The following MYO7A variants were observed in gnomAD, a reference collection of about 807,000 sequenced individuals.
MYO7A encodes the protein unconventional myosin-VIIa.
A neutral mutation model predicts 263.8 loss-of-function variants in MYO7A; 210 were observed. The observed-to-expected ratio is 0.80, with a 90% confidence interval of 0.71 to 0.89. The LOEUF (loss-of-function observed/expected upper bound fraction) is 0.89, where lower values mean the gene tolerates loss of function less well. MYO7A is among the 40% of genes least tolerant of loss of function. The probability of loss-of-function intolerance (pLI) is 0.00; values close to 1 mark genes in which losing one functional copy is unlikely to be tolerated. For synonymous variants in MYO7A, 1,239 were observed against 1,197.3 expected (o/e 1.03, Z -0.72); for missense variants, 2,820 against 2,968.3 (o/e 0.95, Z 1.16).
chr11:77,179,730 T>C lies in MYO7A; in HGVS notation c.2368-5T>C. 1.3e-6 allele frequency: 2 copies of C among 1,530,940 alleles called. No homozygotes were observed. Among genetic ancestry groups the C allele is most frequent in the Non-Finnish European group, 1.8e-6 (2 of 1,134,956 alleles). The allele number at this position is 1,530,940 out of a possible 1,614,324, so 94.8% of individuals were successfully genotyped here. ...GCTCTGAGCATGGGGTGGCTGTCCT[T>C]GCAGATGCGTCTGGGCTTCCTGCGG... On this transcript the variant is annotated splice_polypyrimidine_tract_variant and splice_region_variant and intron_variant, in intron 20 of 48. Coordinates refer to ENST00000409709, the MANE Select transcript of MYO7A (RefSeq NM_000260.4).
intron 46 of MYO7A, 177 bp downstream of exon 46, chr11:77,212,114 T>G (rs1403776194): frequency 1.4e-6 from 1 of 697,686 alleles, no homozygotes; most frequent in South Asian, 1.5e-5. Flanking sequence ...GGGTAAGTCC[T>G]GGGGACAGAG....
At position 77,138,344 on chromosome 11, in the gene MYO7A, G is replaced by A. The variant is rs1950998227; in HGVS notation, c.19-4365G>A. ...CCCGCCGACCCTGCCGACCCCGCGC[G>A]CATCCCGCAGCCCGGCAAGTGGGCG... On this transcript the variant is annotated intron_variant, in intron 2 of 48. Coordinates refer to ENST00000409709, the MANE Select transcript of MYO7A (RefSeq NM_000260.4). This position sits in a 1 kb window ranked among gnomAD's most constrained non-coding sequence, Gnocchi z 4.9. Among the ~76,000 whole-genome samples, 1 of 141,170 alleles carries A rather than the reference G, an allele frequency of 7.1e-6. No homozygotes were observed. The highest frequency in any genetic ancestry group is 1.5e-5 in the Non-Finnish European group (1 of 66,032). 92.6% of individuals were successfully genotyped at this position (141,170 alleles called of 152,430 possible).
At chr11:77,179,555 T>TTGCC (rs1433526530) in intron 20 of MYO7A, among the ~76,000 whole-genome samples, 180 bp from the exon 21 acceptor site, 2 of 152,208 alleles carry the variant, frequency 1.3e-5, no homozygotes, top group African/African-American at 4.8e-5. Flanking sequence ...TAAAAATATG[T>TTGCC]TGCCTGAGAG....
At chr11:77,189,013 A>C (rs868990865) in intron 27 of MYO7A, among the ~76,000 whole-genome samples, 1 of 152,050 alleles carries the variant, frequency 6.6e-6, no homozygotes, top group African/African-American at 2.4e-5. Context: ...AGAGGCGGGG[A>C]CTGTGCTTCT....
At position 77,166,159 on chromosome 11, in the gene MYO7A, C is replaced by T; in HGVS notation, c.1794C>T (p.Ala598=). ...AGCAGATCTTCCAGGCCGATGTCGC[C>T]ATGGTAAGCCGGGTGCGGTTTCTGT... is the stretch of plus-strand genomic sequence containing the variant. The part of the protein sequence containing the change: ...FIKQIFQADV[A]MGAETRKRSP... The change falls in exon 15 of 49, where the codon GCC becomes GCT. Residue 598 remains alanine, a synonymous_variant. Transcript: ENST00000409709. 2.5e-6 allele frequency: 4 copies of T among 1,613,688 alleles called. No homozygotes were observed. The highest frequency in any genetic ancestry group is 3.4e-6 in the Non-Finnish European group (4 of 1,179,722).
Position 77,194,438 on chromosome 11 carries a change from G to A in MYO7A, c.4237G>A (p.Val1413Met), listed in dbSNP as rs774086083. The A allele has an allele frequency of 1.1e-5, 17 of 1,611,672 alleles. No individual in the cohort carries two copies. The highest frequency in any genetic ancestry group is 2.2e-5 in the East Asian group (1 of 44,846). ...GATCCTGGAGCGCCTCCTGAACCTC[G>A]TGCCCACCTACATCCCCGACCGCGA... ...EMILERLLNL[V>M]PTYIPDREIT... The change falls in exon 32 of 49, where the codon GTG becomes ATG. Residue 1413 changes from valine to methionine, a missense_variant. By Grantham distance (21) the Val-to-Met change is conservative. Coordinates refer to ENST00000409709, the MANE Select transcript of MYO7A (RefSeq NM_000260.4).
At chr11:77,129,670 A>G (rs1555045489) in intron 1 of MYO7A, among the ~76,000 whole-genome samples, 1 of 152,182 alleles carries the variant, frequency 6.6e-6, no homozygotes, top group Admixed American at 6.5e-5. Context: ...CATAATGCAT[A>G]TAGTCAAAAT....
At chr11:77,150,786 A>G (rs542781594) in intron 4 of MYO7A, among the ~76,000 whole-genome samples, 41 of 152,300 alleles carry the variant, frequency 2.7e-4, no homozygotes, top group South Asian at 2.3e-3. Flanking sequence ...TCCATGCTAA[A>G]GAACTGTGGG....
In MYO7A at chr11:77,165,108, A is replaced by G. The variant is rs185021420; in HGVS notation, c.1691-948A>G. On this transcript the variant is annotated intron_variant, in intron 14 of 48. Transcript: ENST00000409709. ...TAGGATAACATAGTGAGTCTGTCAGAGCTTTAGTGAGAACCCAATTACATC... is the reference window on the plus strand; with the variant it reads ...TAGGATAACATAGTGAGTCTGTCAGGGCTTTAGTGAGAACCCAATTACATC... Among the ~76,000 whole-genome samples the G allele has an allele frequency of 2.2e-3, 330 of 152,304 alleles. 1 individual carries two copies. Among genetic ancestry groups the G allele is most frequent in the Non-Finnish European group, 3.8e-3 (261 of 68,022 alleles).
chr11:77,188,971 T>C (rs1330984151), intron 27 of MYO7A, among the ~76,000 whole-genome samples: 1 of 152,190 alleles, frequency 6.6e-6, no homozygotes, highest in African/African-American at 2.4e-5. Flanking sequence ...CGAACTCACC[T>C]GCCTGGGCCA....
intron 15 of MYO7A, among the ~76,000 whole-genome samples, chr11:77,166,989 G>A (rs528259052): frequency 1.2e-3 from 180 of 152,250 alleles, no homozygotes; most frequent in Non-Finnish European, 2.4e-3. Context: ...CAGCTGCTGC[G>A]AAGGTAAAAG....
intron 20 of MYO7A, 87 bp from the exon 21 acceptor site, chr11:77,179,648 G>A (rs1954996987): frequency 8.0e-7 from 1 of 1,246,356 alleles, no homozygotes; most frequent in Non-Finnish European, 1.1e-6. Context: ...GTCTGAGAGT[G>A]GAGGCCGGTG....
At chr11:77,196,418 T>TG (rs1956668549) in intron 32 of MYO7A, among the ~76,000 whole-genome samples, 1 of 151,420 alleles carries the variant, frequency 6.6e-6, no homozygotes, top group Admixed American at 6.6e-5. Flanking sequence ...TCTGAGTTGC[T>TG]GGGGGTGAGG....
chr11:77,133,444 T>G (rs1950824278), intron 2 of MYO7A, among the ~76,000 whole-genome samples: 1 of 152,222 alleles, frequency 6.6e-6, no homozygotes, highest in South Asian at 2.1e-4. Flanking sequence ...ACAGTTGGAT[T>G]GATGCTTTTA....
chr11:77,211,038 G>A lies in MYO7A; in HGVS notation c.6052-114G>A, dbSNP rs911748824. On this transcript the variant is annotated intron_variant, in intron 44 of 48. Coordinates refer to ENST00000409709, the MANE Select transcript of MYO7A (RefSeq NM_000260.4). ...CAGCTGAGGCTGGAGAGGTGGGTGGGCCCATGTGCGGGGTAAGGTGGTAGA... is the reference window on the plus strand; with the variant it reads ...CAGCTGAGGCTGGAGAGGTGGGTGGACCCATGTGCGGGGTAAGGTGGTAGA... The A allele has an allele frequency of 2.1e-4, 203 of 955,466 alleles. 1 individual carries two copies. The highest frequency in any genetic ancestry group is 1.2e-3 in the Middle Eastern group (4 of 3,466). The allele number at this position is 955,466 out of a possible 1,614,324, so 59.2% of individuals were successfully genotyped here.
chr11:77,144,521 T>C (rs1237869319), intron 3 of MYO7A, among the ~76,000 whole-genome samples: 2 of 152,050 alleles, frequency 1.3e-5, no homozygotes, highest in African/African-American at 4.8e-5. Context: ...GCAGGGGCAG[T>C]TCGGGAGGCT....
intron 21 of MYO7A, 24 bp from the exon 22 acceptor site, chr11:77,180,342 TTCCATGCC>T: frequency 1.3e-6 from 2 of 1,589,016 alleles, no homozygotes; most frequent in Non-Finnish European, 1.7e-6. Flanking sequence ...CTACACACAT[TTCCATGCC>T]CTCTGGATGC....
In MYO7A at chr11:77,181,560, C is replaced by T. The variant is rs1555084324; in HGVS notation, c.2875C>T (p.Gln959Ter). Reference protein sequence around the residue: ...FLGTSGGLPGQEGQAPSGFED... With the variant: ...FLGTSGGLPG ...GGGGACTTCAGGTGGCCTGCCAGGCCAGGAGGGCCAGGCACCTAGTGGCTT... is the reference window on the plus strand; with the variant it reads ...GGGGACTTCAGGTGGCCTGCCAGGCTAGGAGGGCCAGGCACCTAGTGGCTT... Residue 959 changes from glutamine to a stop codon, truncating the protein, a stop_gained, in exon 23 of 49, where the codon CAG becomes TAG. Transcript: ENST00000409709. LOFTEE classifies it high-confidence loss of function. 2 of 1,613,322 alleles carry T rather than the reference C, an allele frequency of 1.2e-6. No individual in the cohort carries two copies. The highest frequency in any genetic ancestry group is 2.2e-5 in the South Asian group (2 of 91,060).
chr11:77,212,197 G>T (rs1957935271), intron 46 of MYO7A: 1 of 601,398 alleles, frequency 1.7e-6, no homozygotes, highest in African/African-American at 1.8e-5. Context: ...GATGGCCTGT[G>T]TTCTGACACT....
Sources: allele counts gnomAD v4.1 joint callset (sites outside exome capture counted in the v4.1 genomes callset), GRCh38; gene constraint gnomAD v4.1.1; non-coding constraint Gnocchi (gnomAD v3.1); transcripts MANE v1.5; gene names NCBI Gene and HGNC (gene_info 2026-07-23, HGNC 2026-07-21).